Variants in GALNT13 observed in about 807,000 individuals in gnomAD.
The protein encoded by GALNT13 is UDP-GalNAc:polypeptide N-acetylgalactosaminyltransferase 13.
GALNT13 carries 28 observed loss-of-function variants against 64.2 expected under a neutral mutation model. That is an observed-to-expected ratio of 0.44 (90% CI 0.32 to 0.60). GALNT13 has a LOEUF of 0.60. Among genes scored for constraint, GALNT13 ranks in the 20% least tolerant of loss-of-function variants. The probability of loss-of-function intolerance (pLI) is 0.05; values close to 1 mark genes in which losing one functional copy is unlikely to be tolerated. For missense variants in GALNT13, 577 were observed against 669.8 expected (o/e 0.86, Z 1.53); for synonymous variants, 214 against 224.6 (o/e 0.95, Z 0.42).
intron 2 of GALNT13, among the ~76,000 whole-genome samples, chr2:153,918,929 A>G (rs961535743): frequency 2.0e-5 from 3 of 152,050 alleles, no homozygotes; most frequent in Admixed American, 6.6e-5. Flanking sequence ...ACCTCAACAC[A>G]CTGAGGCTTT....
intron 3 of GALNT13, among the ~76,000 whole-genome samples, chr2:154,103,809 T>C (rs897098716): frequency 6.6e-6 from 1 of 152,186 alleles, no homozygotes; most frequent in African/African-American, 2.4e-5. Context: ...TGTGGCAATG[T>C]ATTTGGCGTA....
At chr2:153,893,012 T>G (rs979792217) in intron 1 of GALNT13, among the ~76,000 whole-genome samples, 8 of 152,136 alleles carry the variant, frequency 5.3e-5, no homozygotes, top group African/African-American at 1.7e-4. Flanking sequence ...GTTGGTAGTC[T>G]GCTAAGATGA....
upstream of GALNT13, among the ~76,000 whole-genome samples, chr2:153,868,249 A>G (rs1381593204): frequency 1.3e-5 from 2 of 152,146 alleles, no homozygotes; most frequent in African/African-American, 4.8e-5. Context: ...AGTTTTGTGC[A>G]GGCTGTCTTT....
At chr2:153,496,934 C>A in the GALNT13 span, among the ~76,000 whole-genome samples, 1 of 138,064 alleles carries the variant, frequency 7.2e-6, no homozygotes, top group Non-Finnish European at 1.5e-5. Flanking sequence ...GCGGAAGTTG[C>A]AGTGAACTGA....
At chr2:154,226,639 A>T (rs1688630949) in intron 4 of GALNT13, among the ~76,000 whole-genome samples, 1 of 152,124 alleles carries the variant, frequency 6.6e-6, no homozygotes, top group African/African-American at 2.4e-5. Context: ...TATTTTTTAA[A>T]TTTTATTTTA....
the GALNT13 span, among the ~76,000 whole-genome samples, chr2:153,701,096 A>G: frequency 6.6e-6 from 1 of 152,202 alleles, no homozygotes; most frequent in Non-Finnish European, 1.5e-5. Flanking sequence ...TTCAACCTAT[A>G]CCTCAAGGCT....
chr2:153,417,116 A>G, the GALNT13 span, among the ~76,000 whole-genome samples: 1 of 152,190 alleles, frequency 6.6e-6, no homozygotes, highest in Non-Finnish European at 1.5e-5. Flanking sequence ...CACAAAGAGG[A>G]TATCTGGGGA....
intron 3 of GALNT13, among the ~76,000 whole-genome samples, chr2:154,043,111 C>T (rs948145386): frequency 6.6e-6 from 1 of 151,882 alleles, no homozygotes; most frequent in African/African-American, 2.4e-5. Context: ...GTGATGATGA[C>T]AGCAGTAGTC....
chr2:154,218,992 T>C (rs182371878), intron 4 of GALNT13, among the ~76,000 whole-genome samples: 3 of 152,158 alleles, frequency 2.0e-5, no homozygotes, highest in South Asian at 2.1e-4. Flanking sequence ...CGGTTCCTCA[T>C]TGGGTATCTC....
intron 2 of GALNT13, among the ~76,000 whole-genome samples, chr2:153,932,285 T>C (rs1489715681): frequency 6.6e-6 from 1 of 151,976 alleles, no homozygotes; most frequent in East Asian, 1.9e-4. Context: ...CTAAATTTAA[T>C]TTAGTTTAGC....
intron 3 of GALNT13, among the ~76,000 whole-genome samples, chr2:153,963,422 C>T (rs574935363): frequency 6.6e-6 from 1 of 152,278 alleles, no homozygotes; most frequent in South Asian, 2.1e-4. Context: ...GTTTTCACAA[C>T]TCTTGGGAAA....
chr2:153,908,450 C>G (rs994044694), intron 2 of GALNT13, among the ~76,000 whole-genome samples: 1 of 151,978 alleles, frequency 6.6e-6, no homozygotes, highest in Non-Finnish European at 1.5e-5. Context: ...GTGTTTTTGT[C>G]GTGAAACCTT....
At chr2:154,306,619 G>GGC (rs1173031485) in intron 9 of GALNT13, among the ~76,000 whole-genome samples, 1 of 820 alleles carries the variant, frequency 1.2e-3, no homozygotes. Context: ...ATAATTTGGT[G>GGC]GGGGGGGGGT....
chr2:153,176,231 A>G, the GALNT13 span, among the ~76,000 whole-genome samples: 2 of 152,206 alleles, frequency 1.3e-5, no homozygotes, highest in African/African-American at 4.8e-5. Flanking sequence ...CCCAGCCCCA[A>G]CACAGCTAAA....
the GALNT13 span, among the ~76,000 whole-genome samples, chr2:153,192,273 C>T: frequency 6.6e-6 from 1 of 151,874 alleles, no homozygotes; most frequent in Non-Finnish European, 1.5e-5. Flanking sequence ...TTTGATTCTC[C>T]TTTTAACTTT....
chr2:153,670,913 C>A, the GALNT13 span, among the ~76,000 whole-genome samples: 1 of 152,048 alleles, frequency 6.6e-6, no homozygotes, highest in Non-Finnish European at 1.5e-5. Flanking sequence ...CATACACAAG[C>A]TTCAATAGCT....
At chr2:153,418,630 G>A in the GALNT13 span, among the ~76,000 whole-genome samples, 1 of 152,158 alleles carries the variant, frequency 6.6e-6, no homozygotes, top group African/African-American at 2.4e-5. Context: ...TGGAGGTCAC[G>A]GATGACCTTG....
rs113044732 is a variant in GALNT13, at chr2:154,381,151, G to A, written c.1157-14840G>A. Among the ~76,000 whole-genome samples the A allele has an allele frequency of 3.1e-3, 472 of 152,114 alleles. 3 individuals carry two copies. Among genetic ancestry groups the A allele is most frequent in the African/African-American group, 0.011 (456 of 41,508 alleles). On this transcript the variant is annotated intron_variant, in intron 9 of 12. Coordinates refer to ENST00000392825, the MANE Select transcript of GALNT13 (RefSeq NM_052917.4). ...CTAGACATAAATATCAGGAAGTAGG[G>A]GTAATAGCCTTTTTAGAGTCTCTTT...
chr2:154,245,853 A>G lies in GALNT13; in HGVS notation c.728A>G (p.Asp243Gly). The change falls in exon 7 of 13, where the codon GAT becomes GGT. Residue 243 changes from aspartate (D) to glycine (G), a missense_variant. By Grantham distance (94) the Asp-to-Gly change is moderately conservative. This residue lies in a region of GALNT13 where 341 missense variants were observed against 379.3 expected (regional missense o/e 0.90). Coordinates refer to ENST00000392825, the MANE Select transcript of GALNT13 (RefSeq NM_052917.4). ...CCTATCATTGATGTGATTAGTGATGATACTTTTGAATATATGGCTGGGTCA... is the reference window on the plus strand; with the variant it reads ...CCTATCATTGATGTGATTAGTGATGGTACTTTTGAATATATGGCTGGGTCA... ...VCPIIDVISD[D>G]TFEYMAGSDM... 6.2e-7 allele frequency: 1 copy of G among 1,612,714 alleles called. No homozygotes were observed.
Sources: gnomAD v4.1 joint callset for allele counts (sites outside exome capture counted in the v4.1 genomes callset) on GRCh38, gnomAD v4.1.1 for gene constraint, gnomAD v4.1.1 regional missense constraint, MANE v1.5 for transcripts, NCBI Gene and HGNC (gene_info 2026-07-23, HGNC 2026-07-21) for gene names.